Variants in SMARCA2 observed in about 807,000 individuals in gnomAD.
SMARCA2 encodes SWI/SNF-related matrix-associated actin-dependent regulator of chromatin subfamily A member 2.
A neutral mutation model predicts 199.8 loss-of-function variants in SMARCA2; 61 were observed. That is an observed-to-expected ratio of 0.31 (90% CI 0.25 to 0.38). The LOEUF is 0.38. Ranked by LOEUF, SMARCA2 falls within the 10% of genes least tolerant of loss-of-function variation. The pLI, the probability that SMARCA2 is intolerant of heterozygous loss-of-function variation, is 1.00. For synonymous variants in SMARCA2, 935 were observed against 732.0 expected (o/e 1.28, Z -4.48); for missense variants, 1,344 against 2,012.2 (o/e 0.67, Z 6.35).
In SMARCA2 at chr9:2,033,153, A is replaced by T. The variant is rs550732830; in HGVS notation, c.355+72A>T. Reference sequence around the variant, plus strand: ...TCAGTCTTTCCTGTTGGATATTTTAATTATGAATTCCAAAGAATGTGTCTA... The same window carrying T: ...TCAGTCTTTCCTGTTGGATATTTTATTTATGAATTCCAAAGAATGTGTCTA... On this transcript the variant is annotated intron_variant, in intron 3 of 33. Transcript: ENST00000349721. 2.6e-4 allele frequency: 396 copies of T among 1,529,918 alleles called. 2 individuals carry two copies. The African/African-American group carries it at 4.6e-3, about 18-fold the overall frequency. 94.8% of individuals were successfully genotyped at this position (1,529,918 alleles called of 1,614,324 possible).
intron 14 of SMARCA2, among the ~76,000 whole-genome samples, chr9:2,080,479 C>A (rs894008598): frequency 6.6e-6 from 1 of 152,180 alleles, no homozygotes; most frequent in Non-Finnish European, 1.5e-5. Flanking sequence ...TACAGAGTAT[C>A]CAAAATGTTT....
chr9:2,069,746 C>G (rs1821010328), intron 9 of SMARCA2, among the ~76,000 whole-genome samples: 2 of 152,040 alleles, frequency 1.3e-5, no homozygotes, highest in African/African-American at 2.4e-5. Context: ...TGGGTCATAG[C>G]TTATTCTTTT....
chr9:2,161,602 G>T lies in SMARCA2; in HGVS notation c.3982-84G>T. 8.2e-6 allele frequency: 7 copies of T among 852,150 alleles called. No homozygotes were observed. The highest frequency in any genetic ancestry group is 5.2e-5 in the South Asian group (3 of 57,578). 52.8% of individuals were successfully genotyped at this position (852,150 alleles called of 1,614,324 possible). A position where few individuals can be genotyped will look rare whatever the true frequency, so the allele number is the denominator to read the frequency against. On this transcript the variant is annotated intron_variant, in intron 27 of 33. Coordinates refer to ENST00000349721, the MANE Select transcript of SMARCA2 (RefSeq NM_003070.5). The surrounding 1 kb of genome is among the most constrained non-coding windows in gnomAD (Gnocchi z 4.7). The stretch of plus-strand genomic sequence containing the variant: ...TTCTTTCATTTTATTCTAATTGTTG[G>T]AGCTATATATAAATATACACATACT...
chr9:2,159,973 G>A, intron 27 of SMARCA2: 2 of 1,558,870 alleles, frequency 1.3e-6, no homozygotes, highest in East Asian at 4.7e-5. Flanking sequence ...GCATGTGTAG[G>A]TGTGTAACAC....
intron 27 of SMARCA2, among the ~76,000 whole-genome samples, chr9:2,149,334 A>AT (rs35994859): frequency 0.48 from 71,556 of 150,464 alleles, 20,175 homozygotes; most frequent in East Asian, 0.66. Context: ...CCTGGCCAGC[A>AT]TGGTGAAACC....
At chr9:2,060,098 A>C in intron 8 of SMARCA2, among the ~76,000 whole-genome samples, 1 of 126,812 alleles carries the variant, frequency 7.9e-6, no homozygotes, top group Non-Finnish European at 1.6e-5. Context: ...TGGGCCCATT[A>C]CTCAGTGCAG....
At chr9:2,129,870 T>C (rs1823864082) in intron 27 of SMARCA2, among the ~76,000 whole-genome samples, 1 of 152,192 alleles carries the variant, frequency 6.6e-6, no homozygotes, top group Admixed American at 6.5e-5. Context: ...ATTCTTTTTT[T>C]TGAGGCAGGA....
intron 8 of SMARCA2, among the ~76,000 whole-genome samples, chr9:2,060,118 C>CAAAAAAAAAAAAAAAAAAAAAAAA (rs372329238): frequency 3.2e-5 from 2 of 62,386 alleles, no homozygotes; most frequent in African/African-American, 8.9e-5. Context: ...GATCTGTGGC[C>CAAAAAAAAAAAAAAAAAAAAAAAA]AAAAAAAAAA....
At chr9:2,175,989 T>C (rs1826560829) in intron 29 of SMARCA2, among the ~76,000 whole-genome samples, 1 of 152,106 alleles carries the variant, frequency 6.6e-6, no homozygotes, top group Non-Finnish European at 1.5e-5. Context: ...CAAGCGATTC[T>C]CCTGCCTCAG....
intron 27 of SMARCA2, chr9:2,159,736 A>G (rs547332389): frequency 6.5e-6 from 10 of 1,528,428 alleles, no homozygotes; most frequent in Non-Finnish European, 8.8e-6. Flanking sequence ...TCCTTTCAGT[A>G]TTAAATTTTC....
chr9:2,047,219 TG>T lies in SMARCA2; in HGVS notation c.791-9del, dbSNP rs1366163820. 1 of 1,010,668 alleles carries T rather than the reference TG, an allele frequency of 9.9e-7. No homozygotes were observed. Among genetic ancestry groups the T allele is most frequent in the East Asian group, 8.7e-5 (1 of 11,558 alleles). 62.6% of individuals were successfully genotyped at this position (1,010,668 alleles called of 1,614,324 possible). A position where few individuals can be genotyped will look rare whatever the true frequency, so the allele number is the denominator to read the frequency against. On this transcript the variant is annotated splice_polypyrimidine_tract_variant and intron_variant, in intron 4 of 33. Coordinates refer to ENST00000349721, the MANE Select transcript of SMARCA2 (RefSeq NM_003070.5). The stretch of plus-strand genomic sequence containing the variant: ...CCGCCCGAGCTGCCCATGTCGCTCT[TG>T]TCCCGCAGGCCCGGGGCCGGAGCTG...
intron 28 of SMARCA2, among the ~76,000 whole-genome samples, chr9:2,163,901 G>A (rs1825811623): frequency 6.6e-6 from 1 of 151,654 alleles, no homozygotes; most frequent in African/African-American, 2.4e-5. Context: ...GCTTTTTTTT[G>A]AGGGGTGGGG....
At chr9:2,167,509 G>A (rs1288291679) in intron 28 of SMARCA2, among the ~76,000 whole-genome samples, 1 of 152,226 alleles carries the variant, frequency 6.6e-6, no homozygotes, top group Non-Finnish European at 1.5e-5. Flanking sequence ...GGAGATACCT[G>A]CCTGGTCAGT....
chr9:2,093,480 A>C (rs1340487300), intron 19 of SMARCA2, among the ~76,000 whole-genome samples: 1 of 152,202 alleles, frequency 6.6e-6, no homozygotes, highest in Non-Finnish European at 1.5e-5. Flanking sequence ...GGTTTCCACC[A>C]CTGGGAGCAT....
chr9:2,056,407 ATCTTT>A lies in SMARCA2; in HGVS notation c.1174-259_1174-255del, dbSNP rs1235597004. ...GAAGTTATTTAAAAGGCAAGACAAC[ATCTTT>A]TCTTTCTTTTACTGTTACAGTACTA... On this transcript the variant is annotated intron_variant, in intron 6 of 33. Coordinates refer to ENST00000349721, the MANE Select transcript of SMARCA2 (RefSeq NM_003070.5). The surrounding 1 kb of genome is among the most constrained non-coding windows in gnomAD (Gnocchi z 4.0). Among the ~76,000 whole-genome samples the A allele has an allele frequency of 6.6e-6, 1 of 152,210 alleles. No individual in the cohort carries two copies. Among genetic ancestry groups the A allele is most frequent in the Non-Finnish European group, 1.5e-5 (1 of 68,046 alleles).
rs753631256 is a variant in SMARCA2 at position 2,061,025 on chromosome 9, T to C, written c.1692+39T>C. 3 of 1,591,408 alleles carry C rather than the reference T, an allele frequency of 1.9e-6. No individual in the cohort carries two copies. The East Asian group carries it at 6.7e-5, about 36-fold the overall frequency. On this transcript the variant is annotated intron_variant, in intron 9 of 33. Coordinates refer to ENST00000349721, the MANE Select transcript of SMARCA2 (RefSeq NM_003070.5). ...TGGTGGTGGCTGAGTCCAGGGTGTA[T>C]GGGCAGGGATAAGTTTTTAAGGCGA...
At chr9:2,188,723 G>A (rs186164209) in intron 32 of SMARCA2, among the ~76,000 whole-genome samples, 319 of 152,268 alleles carry the variant, frequency 2.1e-3, no homozygotes, top group Middle Eastern at 3.4e-3. Flanking sequence ...TGGGTCACAG[G>A]TTCAGCATGA....
chr9:2,188,858 C>CAA (rs1317312631), intron 32 of SMARCA2, among the ~76,000 whole-genome samples: 1 of 152,202 alleles, frequency 6.6e-6, no homozygotes, highest in Admixed American at 6.5e-5. Context: ...TTCGTAGAAA[C>CAA]AAAGTTCCCA....
intron 27 of SMARCA2, among the ~76,000 whole-genome samples, chr9:2,135,450 T>C (rs758462414): frequency 2.0e-5 from 3 of 152,194 alleles, no homozygotes; most frequent in Non-Finnish European, 2.9e-5. Flanking sequence ...AAATTAACCA[T>C]CACATCAGTC....
Sources: allele counts gnomAD v4.1 joint callset (sites outside exome capture counted in the v4.1 genomes callset), GRCh38; gene constraint gnomAD v4.1.1; non-coding constraint Gnocchi (gnomAD v3.1); transcripts MANE v1.5; gene names NCBI Gene and HGNC (gene_info 2026-07-23, HGNC 2026-07-21).